VPS37B: variants seen among roughly 807,000 people sequenced by gnomAD.
The protein encoded by VPS37B is VPS37B subunit of ESCRT-I.
A neutral mutation model predicts 21.2 loss-of-function variants in VPS37B; 11 were observed. That is an observed-to-expected ratio of 0.52 (90% CI 0.33 to 0.86). The LOEUF (loss-of-function observed/expected upper bound fraction) is 0.86, where lower values mean the gene tolerates loss of function less well. Ranked by LOEUF, VPS37B falls within the 40% of genes least tolerant of loss-of-function variation. The probability of loss-of-function intolerance (pLI) is 0.03; values close to 1 mark genes in which losing one functional copy is unlikely to be tolerated. For synonymous variants in VPS37B, 175 were observed against 159.6 expected, an observed-to-expected ratio of 1.10 and a Z score of -0.73; for missense variants, 389 against 374.8, an observed-to-expected ratio of 1.04 and a Z score of -0.31.
chr12:122,868,811 C>T lies in VPS37B; in HGVS notation c.284-249G>A, dbSNP rs927175777. Among the ~76,000 whole-genome samples, 1 of 152,178 alleles carries T rather than the reference C, an allele frequency of 6.6e-6. No homozygotes were observed. On this transcript the variant is annotated intron_variant, in intron 2 of 3. Coordinates refer to ENST00000267202, the MANE Select transcript of VPS37B (RefSeq NM_024667.3). This position sits in a 1 kb window ranked among gnomAD's most constrained non-coding sequence, Gnocchi z 5.5. Reference sequence around the variant, plus strand: ...ATGGGGCAGTGACATTCTCATCATGCCACTTTGTATTTCCTTTATGTTTTG... The same window carrying T: ...ATGGGGCAGTGACATTCTCATCATGTCACTTTGTATTTCCTTTATGTTTTG...
At chr12:122,891,095 C>T (rs1363529876) in intron 1 of VPS37B, among the ~76,000 whole-genome samples, 1 of 152,214 alleles carries the variant, frequency 6.6e-6, no homozygotes, top group Non-Finnish European at 1.5e-5. Context: ...TTGTTATTTT[C>T]TCCTTAATTT....
At chr12:122,871,186 C>T in intron 1 of VPS37B, 125 bp from the exon 2 acceptor site, 1 of 1,441,430 alleles carries the variant, frequency 6.9e-7, no homozygotes, top group East Asian at 2.5e-5. Context: ...ACAGCTGGCA[C>T]CGCATGCCAG....
intron 1 of VPS37B, chr12:122,878,030 T>C (rs1364019585): frequency 1.3e-5 from 2 of 151,752 alleles, no homozygotes; most frequent in African/African-American, 4.8e-5. Flanking sequence ...CTTAGGAGAG[T>C]GCAGCTACTA....
intron 1 of VPS37B, chr12:122,884,001 C>T (rs985142700): frequency 6.6e-6 from 1 of 152,196 alleles, no homozygotes; most frequent in African/African-American, 2.4e-5. Flanking sequence ...GGGACACCCA[C>T]ACAGATCACA....
intron 1 of VPS37B, chr12:122,884,126 T>G (rs953771339): frequency 6.6e-6 from 1 of 152,220 alleles, no homozygotes; most frequent in African/African-American, 2.4e-5. Flanking sequence ...CAGAACCAGT[T>G]AGGTCCCTGT....
At chr12:122,894,899 TC>T (rs1276218675) in intron 1 of VPS37B, among the ~76,000 whole-genome samples, 3 of 152,194 alleles carry the variant, frequency 2.0e-5, no homozygotes, top group East Asian at 3.9e-4. Flanking sequence ...TTTAACTTCT[TC>T]CTGAAACTGC....
chr12:122,888,692 AG>A, intron 1 of VPS37B: 1 of 424,084 alleles, frequency 2.4e-6, no homozygotes, highest in Non-Finnish European at 4.8e-6. Context: ...AGTCTCTAAC[AG>A]GATGTTAGGT....
intron 1 of VPS37B, chr12:122,871,270 C>A (rs2034028048): frequency 7.5e-7 from 1 of 1,340,892 alleles, no homozygotes; most frequent in Non-Finnish European, 9.6e-7. Flanking sequence ...AAGAATGAGG[C>A]CGACTTCCTT....
rs2033928059 is a variant in VPS37B, at chr12:122,867,417, G to C, written c.557C>G (p.Thr186Ser). 6.2e-7 allele frequency: 1 copy of C among 1,606,772 alleles called. No individual in the cohort carries two copies. Among genetic ancestry groups the C allele is most frequent in the African/African-American group, 1.4e-5 (1 of 73,704 alleles). ...TGGGGCAGGGTAGGGAAGGGGGGCG[G>C]TAGGTGCCAGTTCGGGCAGCCTGGG... is the stretch of plus-strand genomic sequence containing the variant. ...LPPRLPELAP[T>S]APLPYPAPEA... The change falls in exon 4 of 4, where the codon ACC becomes AGC. Residue 186 changes from threonine (T) to serine (S), a missense_variant. Physicochemically the swap from Thr to Ser is moderately conservative, Grantham distance 58 (BLOSUM62 1). Transcript: ENST00000267202. The surrounding 1 kb of genome is among the most constrained non-coding windows in gnomAD (Gnocchi z 5.5).
At chr12:122,885,723 G>T (rs1257563915) in intron 1 of VPS37B, 23 of 111,078 alleles carry the variant, frequency 2.1e-4, no homozygotes, top group African/African-American at 7.0e-4. Flanking sequence ...TCGCTCTGTC[G>T]CCCAGGCTGG....
Position 122,866,900 on chromosome 12 carries a change from C to T in VPS37B, c.*216G>A, listed in dbSNP as rs772482607. On this transcript the variant is annotated 3_prime_UTR_variant, in exon 4 of 4. Transcript: ENST00000267202. ...GGATAATGCAAACCGATGCAACGCA[C>T]AGGTGTCAGGCTGTAACCCGGCACA... The T allele has an allele frequency of 3.6e-5, 17 of 478,382 alleles. No homozygotes were observed. The highest frequency in any genetic ancestry group is 1.1e-3 in the Middle Eastern group (2 of 1,898). 29.6% of individuals were successfully genotyped at this position (478,382 alleles called of 1,614,324 possible).
chr12:122,866,339 A>G lies in VPS37B; in HGVS notation c.*777T>C, dbSNP rs1426250807. ...GGAGTGTCAAAAAAGTTTTTTCAATATAAAACAGGAAAATCACACACGTAG... is the reference window on the plus strand; with the variant it reads ...GGAGTGTCAAAAAAGTTTTTTCAATGTAAAACAGGAAAATCACACACGTAG... On this transcript the variant is annotated 3_prime_UTR_variant, in exon 4 of 4. Coordinates refer to ENST00000267202, the MANE Select transcript of VPS37B (RefSeq NM_024667.3). 2.6e-5 allele frequency: 4 copies of G among 152,656 alleles called. No individual in the cohort carries two copies. Among genetic ancestry groups the G allele is most frequent in the African/African-American group, 9.6e-5 (4 of 41,458 alleles). The allele number at this position is 152,656 out of a possible 1,614,324, so 9.5% of individuals were successfully genotyped here. A position where few individuals can be genotyped will look rare whatever the true frequency, so the allele number is the denominator to read the frequency against.
intron 1 of VPS37B, chr12:122,889,208 C>T (rs2034373711): frequency 6.6e-6 from 1 of 152,514 alleles, no homozygotes; most frequent in Admixed American, 6.5e-5. Context: ...GAGAGGTATA[C>T]AAAGAAGCTA....
chr12:122,889,248 G>A (rs535227382), intron 1 of VPS37B: 6 of 152,530 alleles, frequency 3.9e-5, no homozygotes, highest in African/African-American at 1.4e-4. Flanking sequence ...CAGAGGTGGG[G>A]AAAGCACTTC....
chr12:122,877,935 A>T (rs1006884653), intron 1 of VPS37B: 16 of 152,136 alleles, frequency 1.1e-4, no homozygotes, highest in African/African-American at 3.6e-4. Flanking sequence ...CATCAAAAAA[A>T]ATTTTTTCAG....
At chr12:122,890,689 C>A (rs907140064) in intron 1 of VPS37B, among the ~76,000 whole-genome samples, 1 of 152,116 alleles carries the variant, frequency 6.6e-6, no homozygotes, top group African/African-American at 2.4e-5. Context: ...AATTTTCCAT[C>A]GTAATCATTT....
At chr12:122,878,533 C>T (rs1243454261) in intron 1 of VPS37B, 2 of 151,470 alleles carry the variant, frequency 1.3e-5, no homozygotes, top group East Asian at 1.9e-4. Context: ...CTAGAACCTA[C>T]ATTTATTGGA....
In VPS37B at chr12:122,867,597, T is replaced by C. The variant is rs2033933103; in HGVS notation, c.377A>G (p.Glu126Gly). ...KIEEDTENMA[E>G]KFLDGELPLD... ...AGGAAGTTCTCCATCCAGAAACTTC[T>C]CTGCCATGTTCTGAAAGAGGCAGAA... The change falls in exon 4 of 4, where the codon GAG becomes GGG. Residue 126 changes from glutamate (E) to glycine (G), a missense_variant. Transcript: ENST00000267202. The surrounding 1 kb of genome is among the most constrained non-coding windows in gnomAD (Gnocchi z 5.5). The C allele has an allele frequency of 1.2e-6, 2 of 1,612,680 alleles. No homozygotes were observed. The highest frequency in any genetic ancestry group is 2.2e-5 in the East Asian group (1 of 44,898).
At position 122,871,239 on chromosome 12, in the gene VPS37B, T is replaced by G. The variant is rs995806363; in HGVS notation, c.112-178A>C. The G allele has an allele frequency of 3.7e-6, 5 of 1,365,974 alleles. No individual in the cohort carries two copies. In the African/African-American group the frequency reaches 7.3e-5, roughly 20 times the overall value. 84.6% of individuals were successfully genotyped at this position (1,365,974 alleles called of 1,614,324 possible). A position where few individuals can be genotyped will look rare whatever the true frequency, so the allele number is the denominator to read the frequency against. Reference sequence around the variant, plus strand: ...AGAGCCAAGCCCCTTGGTTTCTCATTTGGAGCTGCTGCCCGTCGTAAAGAA... The same window carrying G: ...AGAGCCAAGCCCCTTGGTTTCTCATGTGGAGCTGCTGCCCGTCGTAAAGAA... On this transcript the variant is annotated intron_variant, in intron 1 of 3. Transcript: ENST00000267202.
Sources: allele counts gnomAD v4.1 joint callset (sites outside exome capture counted in the v4.1 genomes callset), GRCh38; gene constraint gnomAD v4.1.1; non-coding constraint Gnocchi (gnomAD v3.1); transcripts MANE v1.5; gene names NCBI Gene and HGNC (gene_info 2026-07-23, HGNC 2026-07-21).